The following KPNA5 variants were observed in gnomAD, a reference collection of about 807,000 sequenced individuals.
KPNA5 encodes karyopherin subunit alpha 5, also known as importin subunit alpha-6.
In KPNA5, 46 loss-of-function variants were observed where a neutral mutation model predicts 71.3. The observed-to-expected ratio is 0.65, with a 90% CI of 0.51 to 0.83. KPNA5 has a LOEUF of 0.83. Among genes scored for constraint, KPNA5 ranks in the 40% least tolerant of loss-of-function variants. The pLI is 0.00. For synonymous variants in KPNA5, 207 were observed against 201.4 expected (o/e 1.03, Z -0.24); for missense variants, 547 against 628.3 (o/e 0.87, Z 1.38).
chr6:116,683,598 G>T (rs1255446772), intron 1 of KPNA5, among the ~76,000 whole-genome samples: 1 of 149,506 alleles, frequency 6.7e-6, no homozygotes, highest in Non-Finnish European at 1.5e-5. Context: ...ATTTTTTTTT[G>T]AGATGGAGTC....
intron 4 of KPNA5, among the ~76,000 whole-genome samples, chr6:116,693,190 G>A (rs9489010): frequency 0.28 from 42,478 of 152,016 alleles, 6,704 homozygotes; most frequent in African/African-American, 0.43. Flanking sequence ...GTGCCGCAAT[G>A]AACATACGTG....
chr6:116,711,050 A>G (rs919517159), intron 7 of KPNA5, among the ~76,000 whole-genome samples: 1 of 151,014 alleles, frequency 6.6e-6, no homozygotes, highest in Non-Finnish European at 1.5e-5. Flanking sequence ...GCATGCCACC[A>G]TGCCTGGCTA....
intron 7 of KPNA5, among the ~76,000 whole-genome samples, chr6:116,705,650 A>T (rs1005403014): frequency 1.3e-5 from 2 of 152,120 alleles, no homozygotes; most frequent in Non-Finnish European, 2.9e-5. Flanking sequence ...ATTACCCTAT[A>T]ATGTAAGGTC....
Position 116,729,704 on chromosome 6 carries a change from C to T in KPNA5, c.1395C>T (p.Gly465=). ...AAGAATCTAAGCAGAATGGAATAGGCATTAATCCATACTGTGCTCTCATTG... is the reference window on the plus strand; with the variant it reads ...AAGAATCTAAGCAGAATGGAATAGGTATTAATCCATACTGTGCTCTCATTG... ...GEQESKQNGI[G]INPYCALIEE... The change falls in exon 13 of 14, where the codon GGC becomes GGT. Residue 465 remains glycine, a synonymous_variant. Coordinates refer to ENST00000368564, the MANE Select transcript of KPNA5 (RefSeq NM_001366306.2). The T allele has an allele frequency of 6.2e-7, 1 of 1,604,430 alleles. No individual in the cohort carries two copies.
chr6:116,739,514 GA>G lies in KPNA5; in HGVS notation c.*7193del, dbSNP rs1779792337. On this transcript the variant is annotated 3_prime_UTR_variant, in exon 14 of 14. Transcript: ENST00000368564. ...AAAAAACTACTTTAAAGTTCATATG[GA>G]ACCAAAAAAGAGCCCGCATCGCCAA... 1 of 152,024 alleles carries G rather than the reference GA, an allele frequency of 6.6e-6. No homozygotes were observed. The highest frequency in any genetic ancestry group is 6.6e-5 in the Admixed American group (1 of 15,240). 9.4% of individuals were successfully genotyped at this position (152,024 alleles called of 1,614,324 possible).
chr6:116,706,394 T>TA (rs1373729484), intron 7 of KPNA5, among the ~76,000 whole-genome samples: 1 of 152,200 alleles, frequency 6.6e-6, no homozygotes, highest in Non-Finnish European at 1.5e-5. Flanking sequence ...GTAATAGTTA[T>TA]AAAAACAATT....
At position 116,726,601 on chromosome 6, in the gene KPNA5, G is replaced by A. The variant is rs1475467472; in HGVS notation, c.1232G>A (p.Gly411Glu). The A allele has an allele frequency of 6.2e-7, 1 of 1,608,706 alleles. No homozygotes were observed. The highest frequency in any genetic ancestry group is 8.5e-7 in the Non-Finnish European group (1 of 1,178,060). ...TGGGCTATAACTAATGCAACATCAG[G>A]AGGTACTCCAGAGCAAATAAGGTAT... ...AAWAITNATS[G>E]GTPEQIRYLV... is the part of the protein sequence containing the mutation. Residue 411 changes from glycine to glutamate, a missense_variant, in exon 12 of 14, where the codon GGA becomes GAA. Physicochemically the swap from Gly to Glu is moderately conservative, Grantham distance 98 (BLOSUM62 -2). Coordinates refer to ENST00000368564, the MANE Select transcript of KPNA5 (RefSeq NM_001366306.2).
intron 1 of KPNA5, among the ~76,000 whole-genome samples, chr6:116,687,604 A>G (rs947580970): frequency 6.6e-6 from 1 of 152,210 alleles, no homozygotes; most frequent in Admixed American, 6.5e-5. Context: ...CGATATGTAA[A>G]CACAACAACC....
At position 116,736,005 on chromosome 6, in the gene KPNA5, C is replaced by T. The variant is rs1483277768; in HGVS notation, c.*3682C>T. On this transcript the variant is annotated 3_prime_UTR_variant, in exon 14 of 14. Transcript: ENST00000368564. ...GTGAAAAGGGTGGAAAAAAGATATA[C>T]CATGCTATCACAAATCAAAAGTAAG... 6.6e-6 allele frequency: 1 copy of T among 151,680 alleles called. No individual in the cohort carries two copies. The highest frequency in any genetic ancestry group is 1.5e-5 in the Non-Finnish European group (1 of 67,762). The allele number at this position is 151,680 out of a possible 1,614,324, so 9.4% of individuals were successfully genotyped here. A position where few individuals can be genotyped will look rare whatever the true frequency, so the allele number is the denominator to read the frequency against.
intron 8 of KPNA5, among the ~76,000 whole-genome samples, chr6:116,718,225 CATAAT>C (rs1778966509): frequency 6.6e-6 from 1 of 151,272 alleles, no homozygotes; most frequent in South Asian, 2.1e-4. Context: ...CACCTTTTAA[CATAAT>C]ATATGTGTTT....
At chr6:116,710,177 T>C (rs1169215966) in intron 7 of KPNA5, among the ~76,000 whole-genome samples, 1 of 152,198 alleles carries the variant, frequency 6.6e-6, no homozygotes, top group African/African-American at 2.4e-5. Flanking sequence ...TTGATTGATA[T>C]TTGTATCTTG....
chr6:116,716,638 T>G (rs1378003626), intron 8 of KPNA5, among the ~76,000 whole-genome samples: 1 of 152,210 alleles, frequency 6.6e-6, no homozygotes, highest in Non-Finnish European at 1.5e-5. Context: ...AATAATTCCT[T>G]TATGTTCACC....
chr6:116,726,778 A>ATT (rs142927330), intron 12 of KPNA5, among the ~76,000 whole-genome samples, 156 bp downstream of exon 12: 1 of 151,486 alleles, frequency 6.6e-6, no homozygotes, highest in Non-Finnish European at 1.5e-5. Flanking sequence ...CTCATTCACA[A>ATT]TTTTTTTTTC....
chr6:116,723,322 GTA>G (rs761657616), intron 9 of KPNA5, among the ~76,000 whole-genome samples: 13 of 152,082 alleles, frequency 8.5e-5, no homozygotes, highest in Non-Finnish European at 1.6e-4. Context: ...ATGTGTGTAG[GTA>G]TGTGTGTGTG....
chr6:116,706,107 A>C (rs1771952022), intron 7 of KPNA5, among the ~76,000 whole-genome samples: 1 of 152,198 alleles, frequency 6.6e-6, no homozygotes, highest in Non-Finnish European at 1.5e-5. Flanking sequence ...AATCATTTTG[A>C]AGTCTGTACT....
chr6:116,731,930 C>G (rs1388346078), intron 13 of KPNA5, among the ~76,000 whole-genome samples: 1 of 151,490 alleles, frequency 6.6e-6, no homozygotes, highest in South Asian at 2.1e-4. Context: ...TACATACTCT[C>G]ATTCTTGAAG....
At chr6:116,730,635 C>T (rs1779447623) in intron 13 of KPNA5, among the ~76,000 whole-genome samples, 1 of 152,132 alleles carries the variant, frequency 6.6e-6, no homozygotes, top group South Asian at 2.1e-4. Flanking sequence ...TTTCCAAAGG[C>T]CTGTTGCTGA....
At chr6:116,699,986 C>CT (rs1483383230) in intron 5 of KPNA5, among the ~76,000 whole-genome samples, 13 of 152,268 alleles carry the variant, frequency 8.5e-5, no homozygotes, top group African/African-American at 3.1e-4. Flanking sequence ...CCTTAGTGCT[C>CT]TAACAGAGCT....
intron 4 of KPNA5, among the ~76,000 whole-genome samples, chr6:116,697,003 A>G (rs1191526577): frequency 6.6e-6 from 1 of 151,898 alleles, no homozygotes; most frequent in Admixed American, 6.6e-5. Context: ...GACATTCTCA[A>G]TGACCACCTC....
Sources: allele counts gnomAD v4.1 joint callset (sites outside exome capture counted in the v4.1 genomes callset), GRCh38; gene constraint gnomAD v4.1.1; transcripts MANE v1.5; gene names NCBI Gene and HGNC (gene_info 2026-07-23, HGNC 2026-07-21).